The following NR5A2 variants were observed in gnomAD, a reference collection of about 807,000 sequenced individuals.
NR5A2 encodes CYP7A promoter-binding factor.
In NR5A2, 26 loss-of-function variants were observed where a neutral mutation model predicts 62.7. The observed-to-expected ratio is 0.41, with a 90% CI of 0.30 to 0.58. The LOEUF is 0.58. NR5A2 is among the 20% of genes least tolerant of loss of function. NR5A2 has a pLI of 0.22. For synonymous variants in NR5A2, 246 were observed against 241.7 expected, an observed-to-expected ratio of 1.02 and a Z score of -0.16; for missense variants, 541 against 669.1, an observed-to-expected ratio of 0.81 and a Z score of 2.11.
At chr1:200,041,037 GGC>G (rs1662045731) in intron 2 of NR5A2, among the ~76,000 whole-genome samples, 2 of 152,124 alleles carry the variant, frequency 1.3e-5, no homozygotes, top group Non-Finnish European at 2.9e-5. Context: ...CTTTCTTCCG[GGC>G]ACCTGGAATT....
rs767393832 is a variant in NR5A2 at position 200,034,783 on chromosome 1, C to CTTTTTTTTTTTTTTTTT, written c.65-4860_65-4844dup. Among the ~76,000 whole-genome samples the CTTTTTTTTTTTTTTTTT allele has an allele frequency of 1.8e-4, 13 of 71,284 alleles. 1 individual carries two copies. The highest frequency in any genetic ancestry group is 6.3e-4 in the African/African-American group (12 of 18,908). 46.8% of individuals were successfully genotyped at this position (71,284 alleles called of 152,430 possible). A position where few individuals can be genotyped will look rare whatever the true frequency, so the allele number is the denominator to read the frequency against. On this transcript the variant is annotated intron_variant, in intron 1 of 7. Transcript: ENST00000367362. ...GTTATTCACACGTGCAGCAGAAAGG[C>CTTTTTTTTTTTTTTTTT]TTTTTTTTTTTTTTTTTTTTTTTTT...
chr1:200,088,711 C>T (rs1664674072), intron 5 of NR5A2, among the ~76,000 whole-genome samples: 1 of 152,214 alleles, frequency 6.6e-6, no homozygotes, highest in Admixed American at 6.5e-5. Flanking sequence ...CACCTTTGCC[C>T]TTTTCTCCAC....
chr1:200,156,550 C>G (rs990400619), intron 7 of NR5A2, among the ~76,000 whole-genome samples: 52 of 152,208 alleles, frequency 3.4e-4, no homozygotes, highest in African/African-American at 1.2e-3. Context: ...GGTGCCCCCC[C>G]ACCACACCCG....
chr1:200,087,101 A>T (rs768786223), intron 5 of NR5A2, among the ~76,000 whole-genome samples: 13 of 151,910 alleles, frequency 8.6e-5, no homozygotes, highest in Non-Finnish European at 1.3e-4. Flanking sequence ...AAGTAGCTGA[A>T]GGGTCTTTGT....
rs1036875101 is a variant in NR5A2 at position 200,045,698 on chromosome 1, G to A, written c.463+114G>A. 6.5e-5 allele frequency: 49 copies of A among 754,322 alleles called. No individual in the cohort carries two copies. In the East Asian group the frequency reaches 1.1e-3, roughly 17 times the overall value. The allele number at this position is 754,322 out of a possible 1,614,324, so 46.7% of individuals were successfully genotyped here. A position where few individuals can be genotyped will look rare whatever the true frequency, so the allele number is the denominator to read the frequency against. Reference sequence around the variant, plus strand: ...ATTTTCCCAGCATTTTAACACTACCGACAATACTGTAAGATCTTTCTATGT... The same window carrying A: ...ATTTTCCCAGCATTTTAACACTACCAACAATACTGTAAGATCTTTCTATGT... On this transcript the variant is annotated intron_variant, in intron 4 of 7. Transcript: ENST00000367362.
At chr1:200,062,227 T>TTTTGTGTGTGTGTGTG (rs1553267511) in intron 5 of NR5A2, among the ~76,000 whole-genome samples, 1 of 145,666 alleles carries the variant, frequency 6.9e-6, no homozygotes, top group Non-Finnish European at 1.5e-5. Flanking sequence ...CTGGCAGATT[T>TTTTGTGTGTGTGTGTG]TGTGTGTGTG....
At chr1:200,131,219 A>G (rs931118461) in intron 7 of NR5A2, among the ~76,000 whole-genome samples, 1 of 151,824 alleles carries the variant, frequency 6.6e-6, no homozygotes, top group Non-Finnish European at 1.5e-5. Context: ...TAAATGCAGT[A>G]TAATAGGTGT....
At chr1:200,079,181 T>A (rs1664176395) in intron 5 of NR5A2, among the ~76,000 whole-genome samples, 1 of 152,214 alleles carries the variant, frequency 6.6e-6, no homozygotes, top group South Asian at 2.1e-4. Flanking sequence ...TTGGATACCA[T>A]ATAACCTGCT....
At chr1:200,034,617 A>T (rs899800397) in intron 1 of NR5A2, among the ~76,000 whole-genome samples, 2 of 148,144 alleles carry the variant, frequency 1.4e-5, no homozygotes, top group African/African-American at 4.9e-5. Context: ...GGTGGGGGGT[A>T]GGTTGGATTA....
intron 7 of NR5A2, among the ~76,000 whole-genome samples, chr1:200,121,634 C>T (rs1467018113): frequency 6.6e-6 from 1 of 152,146 alleles, no homozygotes; most frequent in East Asian, 1.9e-4. Flanking sequence ...TTATTGACTT[C>T]AAAGGAACAG....
At chr1:200,119,725 C>A (rs1666396056) in intron 6 of NR5A2, among the ~76,000 whole-genome samples, 1 of 152,124 alleles carries the variant, frequency 6.6e-6, no homozygotes, top group African/African-American at 2.4e-5. Flanking sequence ...CTCCCAGGTT[C>A]AAGCAATTCT....
chr1:200,111,573 G>A (rs1665959859), intron 6 of NR5A2, among the ~76,000 whole-genome samples: 1 of 152,152 alleles, frequency 6.6e-6, no homozygotes, highest in African/African-American at 2.4e-5. Flanking sequence ...GCTTACAAGG[G>A]TCCGAAGAAC....
At chr1:200,072,563 G>A (rs1281119203) in intron 5 of NR5A2, among the ~76,000 whole-genome samples, 1 of 152,160 alleles carries the variant, frequency 6.6e-6, no homozygotes, top group Non-Finnish European at 1.5e-5. Flanking sequence ...TAATAAGGAA[G>A]TGGGAGTAAA....
At chr1:200,145,796 T>C (rs1481957610) in intron 7 of NR5A2, among the ~76,000 whole-genome samples, 2 of 152,140 alleles carry the variant, frequency 1.3e-5, no homozygotes, top group Non-Finnish European at 2.9e-5. Context: ...TAGGCTATCA[T>C]GTTGCAGGTT....
chr1:200,030,435 AATCATTC>A (rs1410560784), intron 1 of NR5A2, among the ~76,000 whole-genome samples: 2 of 152,172 alleles, frequency 1.3e-5, no homozygotes, highest in Admixed American at 1.3e-4. Context: ...CCTGCAAGAT[AATCATTC>A]ATTGTAGTGT....
intron 1 of NR5A2, among the ~76,000 whole-genome samples, chr1:200,034,936 G>C (rs986355901): frequency 6.6e-6 from 1 of 151,946 alleles, no homozygotes; most frequent in Non-Finnish European, 1.5e-5. Context: ...AATACAAAGC[G>C]CTCGGGATGA....
At chr1:200,144,225 T>A (rs1392484317) in intron 7 of NR5A2, among the ~76,000 whole-genome samples, 5,637 of 38,812 alleles carry the variant, frequency 0.15, 120 homozygotes, top group Admixed American at 0.18. Context: ...TCTCTCTCTC[T>A]CTCTCTCTCA....
Position 200,048,935 on chromosome 1 carries a change from G to T in NR5A2, c.1110+117G>T. ...TGTTCCTTAATTTTCTACTTTGTATGATTTACAGAGTAGACGTAATTTTAT... is the reference window on the plus strand; with the variant it reads ...TGTTCCTTAATTTTCTACTTTGTATTATTTACAGAGTAGACGTAATTTTAT... On this transcript the variant is annotated intron_variant, in intron 5 of 7. Transcript: ENST00000367362. This position sits in a 1 kb window ranked among gnomAD's most constrained non-coding sequence, Gnocchi z 4.8. The T allele has an allele frequency of 7.9e-7, 1 of 1,258,334 alleles. No homozygotes were observed. The highest frequency in any genetic ancestry group is 1.1e-6 in the Non-Finnish European group (1 of 904,310). The allele number at this position is 1,258,334 out of a possible 1,614,324, so 77.9% of individuals were successfully genotyped here. A position where few individuals can be genotyped will look rare whatever the true frequency, so the allele number is the denominator to read the frequency against.
chr1:200,090,117 A>AC (rs1269343531), intron 5 of NR5A2, among the ~76,000 whole-genome samples: 1 of 151,934 alleles, frequency 6.6e-6, no homozygotes, highest in Non-Finnish European at 1.5e-5. Context: ...TTATATGTCT[A>AC]CCCCCTCAAC....
Sources: gnomAD v4.1 joint callset for allele counts (sites outside exome capture counted in the v4.1 genomes callset) on GRCh38, gnomAD v4.1.1 for gene constraint, Gnocchi (gnomAD v3.1) non-coding constraint, MANE v1.5 for transcripts, NCBI Gene and HGNC (gene_info 2026-07-23, HGNC 2026-07-21) for gene names.